Variants in MTF1 observed in about 807,000 individuals in gnomAD.
MTF1 encodes metal regulatory transcription factor 1.
MTF1 carries 22 observed loss-of-function variants against 70.4 expected under a neutral mutation model. The observed-to-expected ratio is 0.31, with a 90% CI of 0.22 to 0.45. The LOEUF (loss-of-function observed/expected upper bound fraction) is 0.45, where lower values mean the gene tolerates loss of function less well. MTF1 is among the 20% of genes least tolerant of loss of function. The pLI is 1.00. For missense variants in MTF1, 649 were observed against 922.0 expected (o/e 0.70, Z 3.83); for synonymous variants, 333 against 352.8 (o/e 0.94, Z 0.63).
In MTF1 at chr1:37,837,498, A is replaced by AT. The variant is rs904430895; in HGVS notation, c.779+1126dup. Among the ~76,000 whole-genome samples the AT allele has an allele frequency of 4.1e-4, 62 of 149,988 alleles. 1 individual carries two copies. Among genetic ancestry groups the AT allele is most frequent in the African/African-American group, 8.3e-4 (34 of 40,930 alleles). ...CTGCCAAAATTCAAATACATTGTTT[A>AT]TTTTTTTTTTATTTTTATTTTTTTT... is the stretch of plus-strand genomic sequence containing the variant. On this transcript the variant is annotated intron_variant, in intron 4 of 10. Transcript: ENST00000373036.
At chr1:37,847,124 G>C (rs1284385002) in intron 2 of MTF1, among the ~76,000 whole-genome samples, 2 of 152,134 alleles carry the variant, frequency 1.3e-5, no homozygotes, top group African/African-American at 2.4e-5. Context: ...CCCACCATGA[G>C]AGCTGACTTC....
chr1:37,855,021 T>C (rs1186109661), intron 2 of MTF1, among the ~76,000 whole-genome samples: 1 of 152,020 alleles, frequency 6.6e-6, no homozygotes, highest in Non-Finnish European at 1.5e-5. Context: ...ATCACGCCAC[T>C]GCACTCCAGC....
chr1:37,838,865 C>T (rs112836202), intron 3 of MTF1, 109 bp from the exon 4 acceptor site: 106,938 of 874,810 alleles, frequency 0.12, 8,773 homozygotes, highest in Middle Eastern at 0.22. Flanking sequence ...AGTGCAATGG[C>T]GCAGTCTCGG....
At chr1:37,819,390 AAGCGGG>A (rs1204095791) in intron 9 of MTF1, among the ~76,000 whole-genome samples, 1 of 152,172 alleles carries the variant, frequency 6.6e-6, no homozygotes, top group African/African-American at 2.4e-5. Flanking sequence ...TGGGAGGCCA[AAGCGGG>A]CGGATCACCT....
At chr1:37,855,775 G>C (rs764426512) in intron 2 of MTF1, among the ~76,000 whole-genome samples, 4 of 152,076 alleles carry the variant, frequency 2.6e-5, no homozygotes, top group Non-Finnish European at 5.9e-5. Context: ...TGGCTAACAT[G>C]GTGAAACCTC....
chr1:37,827,003 C>A (rs1427096083), intron 7 of MTF1, among the ~76,000 whole-genome samples: 1 of 152,144 alleles, frequency 6.6e-6, no homozygotes, highest in Non-Finnish European at 1.5e-5. Flanking sequence ...CAACTTCCAA[C>A]TTCCAGTCCG....
chr1:37,823,712 G>A lies in MTF1; in HGVS notation c.1169C>T (p.Thr390Ile), dbSNP rs1045576259. ...DTAIQEDPQQ[T>I]ASLTESFNGD... Reference sequence around the variant, plus strand: ...TAGAAAGAGTCCGTGTGACAAACCTGTCTGTTGAGGATCTTCCTGAATTGC... The same window carrying A: ...TAGAAAGAGTCCGTGTGACAAACCTATCTGTTGAGGATCTTCCTGAATTGC... The change falls in exon 8 of 11, where the codon ACA becomes ATA. Residue 390 changes from threonine to isoleucine, a missense_variant and splice_region_variant. Transcript: ENST00000373036. 3.1e-6 allele frequency: 5 copies of A among 1,610,410 alleles called. No individual in the cohort carries two copies. The highest frequency in any genetic ancestry group is 1.3e-5 in the African/African-American group (1 of 74,848).
At chr1:37,856,117 G>GA (rs980526342) in intron 2 of MTF1, among the ~76,000 whole-genome samples, 12 of 149,300 alleles carry the variant, frequency 8.0e-5, no homozygotes, top group Admixed American at 3.3e-4. Context: ...ACATGAAAAT[G>GA]AAAACTTATT....
Position 37,840,924 on chromosome 1 carries a change from T to TGGCCTGGAGCCAGGGCTGAGGCC in MTF1, c.409-789_409-767dup, listed in dbSNP as rs1433405279. 4.4e-6 allele frequency: 1 copy of TGGCCTGGAGCCAGGGCTGAGGCC among 228,010 alleles called. No individual in the cohort carries two copies. Among genetic ancestry groups the TGGCCTGGAGCCAGGGCTGAGGCC allele is most frequent in the African/African-American group, 2.4e-5 (1 of 42,000 alleles). 14.1% of individuals were successfully genotyped at this position (228,010 alleles called of 1,614,324 possible). A position where few individuals can be genotyped will look rare whatever the true frequency, so the allele number is the denominator to read the frequency against. On this transcript the variant is annotated intron_variant, in intron 2 of 10. Transcript: ENST00000373036. This position sits in a 1 kb window ranked among gnomAD's most constrained non-coding sequence, Gnocchi z 4.5. ...TTGGGGCCAGGGTCATGGCTGTGGT[T>TGGCCTGGAGCCAGGGCTGAGGCC]GGCCTGGAGCCAGGGCTGAGGCCAT... is the stretch of plus-strand genomic sequence containing the variant.
At chr1:37,832,207 C>T in intron 7 of MTF1, 38 bp downstream of exon 7, 1 of 1,386,184 alleles carries the variant, frequency 7.2e-7, no homozygotes, top group Non-Finnish European at 1.0e-6. Flanking sequence ...TAATTCTTGC[C>T]CTTATTTTTC....
rs767545850 is a variant in MTF1, at chr1:37,815,486, A to G, written c.1912T>C (p.Cys638Arg). 6.3e-7 allele frequency: 1 copy of G among 1,581,466 alleles called. No individual in the cohort carries two copies. Among genetic ancestry groups the G allele is most frequent in the Non-Finnish European group, 8.6e-7 (1 of 1,164,574 alleles). ...QEEACQCQCACRDSAKERASS... is the reference protein window; with the variant it reads ...QEEACQCQCARRDSAKERASS... ...GCCCGCTCCTTTGCAGAGTCCCGGC[A>G]TGCACACTGACACTGACATGCCTCT... The change falls in exon 11 of 11, where the codon TGC becomes CGC. Residue 638 changes from cysteine (C) to arginine (R), a missense_variant. Physicochemically the swap from Cys to Arg is radical, Grantham distance 180. Coordinates refer to ENST00000373036, the MANE Select transcript of MTF1 (RefSeq NM_005955.3). The surrounding 1 kb of genome is among the most constrained non-coding windows in gnomAD (Gnocchi z 4.5).
intron 6 of MTF1, among the ~76,000 whole-genome samples, chr1:37,833,599 G>A (rs937595206): frequency 1.3e-5 from 2 of 152,106 alleles, no homozygotes; most frequent in Non-Finnish European, 2.9e-5. Context: ...ATACATTAAT[G>A]AACAAACTAA....
intron 2 of MTF1, among the ~76,000 whole-genome samples, chr1:37,853,559 T>C (rs1641448449): frequency 6.7e-6 from 1 of 148,606 alleles, no homozygotes; most frequent in African/African-American, 2.6e-5. Flanking sequence ...CAGAAAAAAG[T>C]GTGCTGACTC....
intron 2 of MTF1, among the ~76,000 whole-genome samples, chr1:37,849,429 T>TAA (rs770838483): frequency 7.1e-6 from 1 of 140,988 alleles, no homozygotes; most frequent in Non-Finnish European, 1.6e-5. Context: ...TCACCTCAAT[T>TAA]AAAAAAAAAA....
chr1:37,824,766 T>A (rs953179747), intron 7 of MTF1, among the ~76,000 whole-genome samples: 6 of 152,192 alleles, frequency 3.9e-5, no homozygotes, highest in African/African-American at 1.4e-4. Context: ...AATAACATTG[T>A]GAATATTTTT....
intron 6 of MTF1, among the ~76,000 whole-genome samples, chr1:37,834,422 G>C (rs1254117329): frequency 6.7e-6 from 1 of 149,846 alleles, no homozygotes; most frequent in African/African-American, 2.5e-5. Context: ...CGGCGGGGGT[G>C]GGGGAAGGGA....
intron 3 of MTF1, among the ~76,000 whole-genome samples, chr1:37,839,230 G>A (rs967575452): frequency 1.3e-5 from 2 of 152,164 alleles, no homozygotes; most frequent in Non-Finnish European, 2.9e-5. Flanking sequence ...AAGAAACGCA[G>A]AGAATAGCAC....
intron 3 of MTF1, 37 bp from the exon 4 acceptor site, chr1:37,838,793 A>G: frequency 1.8e-6 from 1 of 556,450 alleles, no homozygotes; most frequent in Non-Finnish European, 2.7e-6. Context: ...TTTGTCATAA[A>G]ATTCTTTTTT....
At chr1:37,836,011 A>G (rs1641163685) in intron 4 of MTF1, among the ~76,000 whole-genome samples, 1 of 152,158 alleles carries the variant, frequency 6.6e-6, no homozygotes, top group African/African-American at 2.4e-5. Flanking sequence ...CATGTTAGCC[A>G]GGATGGTCTC....
Sources: allele counts gnomAD v4.1 joint callset (sites outside exome capture counted in the v4.1 genomes callset), GRCh38; gene constraint gnomAD v4.1.1; non-coding constraint Gnocchi (gnomAD v3.1); transcripts MANE v1.5; gene names NCBI Gene and HGNC (gene_info 2026-07-23, HGNC 2026-07-21).